PACRG: variants seen among roughly 807,000 people sequenced by gnomAD.
PACRG encodes parkin coregulated.
In PACRG, 29 loss-of-function variants were observed where a neutral mutation model predicts 29.7. That is an observed-to-expected ratio of 0.98 (90% CI 0.73 to 1.33). The LOEUF (loss-of-function observed/expected upper bound fraction) is 1.33. PACRG is among the 40% of genes most tolerant of loss of function. PACRG has a pLI of 0.00. For synonymous variants in PACRG, 116 were observed against 118.7 expected, an observed-to-expected ratio of 0.98 and a Z score of 0.15; for missense variants, 279 against 316.2, an observed-to-expected ratio of 0.88 and a Z score of 0.89.
chr6:163,296,946 GAACTTAAGATCACATGTACT>G (rs1193982091), intron 4 of PACRG, among the ~76,000 whole-genome samples: 1 of 152,072 alleles, frequency 6.6e-6, no homozygotes, highest in African/African-American at 2.4e-5. Flanking sequence ...AGATAATTTC[GAACTTAAGATCACATGTACT>G]GAACTATCTA....
intron 4 of PACRG, among the ~76,000 whole-genome samples, chr6:163,188,329 G>T (rs1032276528): frequency 6.6e-6 from 1 of 152,186 alleles, no homozygotes; most frequent in Admixed American, 6.5e-5. Context: ...GATGACAGTT[G>T]TTGCTAAAAA....
intron 3 of PACRG, among the ~76,000 whole-genome samples, chr6:163,082,351 C>T (rs79315149): frequency 0.014 from 2,172 of 152,166 alleles, 45 homozygotes; most frequent in African/African-American, 0.049. Flanking sequence ...AAGGGCCAAG[C>T]ACATTTGCAA....
chr6:163,071,446 A>C (rs145807950), intron 3 of PACRG, among the ~76,000 whole-genome samples: 262 of 152,240 alleles, frequency 1.7e-3, no homozygotes, highest in Admixed American at 2.8e-3. Flanking sequence ...TGACCTGTGG[A>C]TCACTGAAGA....
At chr6:163,200,019 C>G (rs558761766) in intron 4 of PACRG, among the ~76,000 whole-genome samples, 1 of 151,908 alleles carries the variant, frequency 6.6e-6, no homozygotes, top group Non-Finnish European at 1.5e-5. Context: ...GCAGACTTGC[C>G]GAAGAATACA....
intron 4 of PACRG, among the ~76,000 whole-genome samples, chr6:163,122,581 C>T (rs1394606634): frequency 6.6e-6 from 1 of 152,160 alleles, no homozygotes; most frequent in Non-Finnish European, 1.5e-5. Context: ...GCCACATGAT[C>T]CCTTCGCAAC....
At position 162,764,496 on chromosome 6, in the gene PACRG, G is replaced by A. The variant is rs544709246; in HGVS notation, c.156+36105G>A. Among the ~76,000 whole-genome samples the A allele has an allele frequency of 8.5e-5, 13 of 152,224 alleles. 1 individual carries two copies. In the South Asian group the frequency reaches 2.5e-3, roughly 29 times the overall value. On this transcript the variant is annotated intron_variant, in intron 1 of 4. Transcript: ENST00000366888. Reference sequence around the variant, plus strand: ...GATTTCACAATTTAGAAGCAGAAATGTTGAAATAGCCTATTCTAGCAAAAA... The same window carrying A: ...GATTTCACAATTTAGAAGCAGAAATATTGAAATAGCCTATTCTAGCAAAAA...
intron 4 of PACRG, among the ~76,000 whole-genome samples, chr6:163,203,683 A>G (rs914836605): frequency 6.6e-6 from 1 of 152,258 alleles, no homozygotes; most frequent in Non-Finnish European, 1.5e-5. Context: ...TTCTGAGCTT[A>G]TTAAAATACA....
intron 2 of PACRG, among the ~76,000 whole-genome samples, chr6:162,874,153 T>A (rs9364678): frequency 0.19 from 18,423 of 96,286 alleles, 1,256 homozygotes; most frequent in Middle Eastern, 0.25. Context: ...AAAAAAAAAA[T>A]ATATATATAT....
intron 2 of PACRG, among the ~76,000 whole-genome samples, chr6:162,844,227 C>A (rs1327976890): frequency 9.2e-5 from 14 of 152,024 alleles, no homozygotes; most frequent in African/African-American, 2.7e-4. Flanking sequence ...TGATCTCAGA[C>A]TGCTGTGCTA....
intron 4 of PACRG, among the ~76,000 whole-genome samples, chr6:163,265,248 G>T (rs1037772682): frequency 6.6e-6 from 1 of 152,160 alleles, no homozygotes; most frequent in African/African-American, 2.4e-5. Context: ...CCTCTCAGTC[G>T]GTCCTGGTGT....
chr6:162,966,354 A>G (rs1434524711), intron 2 of PACRG, among the ~76,000 whole-genome samples: 2 of 152,148 alleles, frequency 1.3e-5, no homozygotes, highest in East Asian at 1.9e-4. Flanking sequence ...GCGTGATGTC[A>G]TCATCCCCAG....
At chr6:163,112,442 A>G (rs1479740411) in intron 4 of PACRG, among the ~76,000 whole-genome samples, 1 of 152,152 alleles carries the variant, frequency 6.6e-6, no homozygotes, top group Non-Finnish European at 1.5e-5. Flanking sequence ...GGAGCTGCAA[A>G]CACAGAGGGG....
At chr6:163,185,815 T>A (rs189500722) in intron 4 of PACRG, among the ~76,000 whole-genome samples, 103 of 152,306 alleles carry the variant, frequency 6.8e-4, no homozygotes, top group Non-Finnish European at 1.3e-3. Flanking sequence ...GACTGCCTCA[T>A]GGGTCCAGTA....
intron 4 of PACRG, among the ~76,000 whole-genome samples, chr6:163,167,277 G>A (rs563614475): frequency 3.9e-5 from 6 of 152,090 alleles, no homozygotes; most frequent in Admixed American, 2.0e-4. Flanking sequence ...TCCTATATGC[G>A]ATAAGCCCTC....
intron 4 of PACRG, among the ~76,000 whole-genome samples, chr6:163,118,012 A>C (rs1816092889): frequency 6.6e-6 from 1 of 152,212 alleles, no homozygotes; most frequent in African/African-American, 2.4e-5. Context: ...TTCCGTCTTA[A>C]CTGGGACATA....
At chr6:163,140,085 T>A (rs1047698790) in intron 4 of PACRG, among the ~76,000 whole-genome samples, 1 of 152,160 alleles carries the variant, frequency 6.6e-6, no homozygotes, top group Non-Finnish European at 1.5e-5. Flanking sequence ...CTGCTCTCCA[T>A]GATGCTGCCT....
At chr6:163,271,231 C>T (rs1783815657) in intron 4 of PACRG, among the ~76,000 whole-genome samples, 2 of 150,336 alleles carry the variant, frequency 1.3e-5, no homozygotes, top group Admixed American at 6.6e-5. Context: ...ATTCTGGCTA[C>T]ACTGGCAGCT....
At chr6:163,101,046 G>A in intron 4 of PACRG, 1 of 982,080 alleles carries the variant, frequency 1.0e-6, no homozygotes, top group Non-Finnish European at 1.2e-6. Flanking sequence ...GCTTTAGTGA[G>A]CATATTTATA....
At chr6:163,168,656 G>T (rs1323899956) in intron 4 of PACRG, among the ~76,000 whole-genome samples, 1 of 152,158 alleles carries the variant, frequency 6.6e-6, no homozygotes, top group Non-Finnish European at 1.5e-5. Context: ...TTATATCTAT[G>T]TCTGAGACTG....
Sources: allele counts gnomAD v4.1 joint callset (sites outside exome capture counted in the v4.1 genomes callset), GRCh38; gene constraint gnomAD v4.1.1; transcripts MANE v1.5; gene names NCBI Gene and HGNC (gene_info 2026-07-23, HGNC 2026-07-21).